The following ADGRB1 variants were observed in gnomAD, a reference collection of about 807,000 sequenced individuals.
ADGRB1 encodes adhesion G protein-coupled receptor B1.
A neutral mutation model predicts 175.7 loss-of-function variants in ADGRB1; 36 were observed. That is an observed-to-expected ratio of 0.20 (90% CI 0.16 to 0.27). The LOEUF (loss-of-function observed/expected upper bound fraction) is 0.27. Ranked by LOEUF, ADGRB1 falls within the 10% of genes least tolerant of loss-of-function variation. The probability of loss-of-function intolerance (pLI) is 1.00; values close to 1 mark genes in which losing one functional copy is unlikely to be tolerated. For synonymous variants in ADGRB1, 1,054 were observed against 979.4 expected, an observed-to-expected ratio of 1.08 and a Z score of -1.42; for missense variants, 1,731 against 2,255.3, an observed-to-expected ratio of 0.77 and a Z score of 4.71.
In ADGRB1 at chr8:142,489,419, A is replaced by T; in HGVS notation, c.2612A>T (p.Glu871Val). 6.2e-7 allele frequency: 1 copy of T among 1,612,788 alleles called. No individual in the cohort carries two copies. The highest frequency in any genetic ancestry group is 8.5e-7 in the Non-Finnish European group (1 of 1,179,806). The change falls in exon 16 of 31, where the codon GAG (glutamate) becomes GTG (valine). Residue 871 changes from glutamate (E) to valine (V), a missense_variant. Glu to Val is a moderately radical substitution (Grantham distance 121, BLOSUM62 -2). Coordinates refer to ENST00000517894, the MANE Select transcript of ADGRB1 (RefSeq NM_001702.3). ...TCCCTGCGCACACCCTTGGAGATCGAGTTTGCCCACATGTATAATGTGAGT... is the reference window on the plus strand; with the variant it reads ...TCCCTGCGCACACCCTTGGAGATCGTGTTTGCCCACATGTATAATGTGAGT... Reference protein sequence around the residue: ...PRSLRTPLEIEFAHMYNGTTN... With the variant: ...PRSLRTPLEIVFAHMYNGTTN...
chr8:142,539,492 C>T, intron 27 of ADGRB1, 79 bp downstream of exon 27: 4 of 1,504,472 alleles, frequency 2.7e-6, no homozygotes, highest in Non-Finnish European at 3.6e-6. Context: ...CCTGTGCCTC[C>T]CCCACATCAC....
chr8:142,514,440 G>A (rs1843304022), intron 18 of ADGRB1, among the ~76,000 whole-genome samples: 1 of 152,196 alleles, frequency 6.6e-6, no homozygotes, highest in African/African-American at 2.4e-5. Flanking sequence ...AGTCACACCT[G>A]TGAGGCGGAT....
chr8:142,458,203 G>A (rs948169059), intron 1 of ADGRB1, among the ~76,000 whole-genome samples: 9 of 152,176 alleles, frequency 5.9e-5, no homozygotes, highest in African/African-American at 1.4e-4. Context: ...ATGGGGTGCC[G>A]AGCCTCATGG....
At chr8:142,454,282 C>T (rs779430679) in intron 1 of ADGRB1, among the ~76,000 whole-genome samples, 2 of 152,206 alleles carry the variant, frequency 1.3e-5, no homozygotes, top group Non-Finnish European at 1.5e-5. Context: ...AAAACCAACA[C>T]ACACCCCGGT....
intron 25 of ADGRB1, among the ~76,000 whole-genome samples, chr8:142,535,114 G>A (rs961488811): frequency 6.6e-6 from 1 of 152,240 alleles, no homozygotes. Flanking sequence ...AAGGAAAATG[G>A]AGGCAAAATA....
At chr8:142,482,881 G>A (rs1181575716) in intron 11 of ADGRB1, among the ~76,000 whole-genome samples, 1 of 146,616 alleles carries the variant, frequency 6.8e-6, no homozygotes, top group African/African-American at 2.6e-5. Context: ...CACACACCAT[G>A]TCCTGATCCT....
Position 142,542,309 on chromosome 8 carries a change from C to A in ADGRB1, c.4075C>A (p.Pro1359Thr), listed in dbSNP as rs758599630. Reference sequence around the variant, plus strand: ...GGCCACGGCCACGCTGCGGCCCAAGCCCAAGGAGGAGCCCAAGTACAGCAT... The same window carrying A: ...GGCCACGGCCACGCTGCGGCCCAAGACCAAGGAGGAGCCCAAGTACAGCAT... Reference protein sequence around the residue: ...PTATATLRPKPKEEPKYSIHI... With the variant: ...PTATATLRPKTKEEPKYSIHI... The change falls in exon 28 of 31, where the codon CCC (proline) becomes ACC (threonine). Residue 1359 changes from proline (P) to threonine (T), a missense_variant. Transcript: ENST00000517894. The surrounding 1 kb of genome is among the most constrained non-coding windows in gnomAD (Gnocchi z 6.3). The A allele has an allele frequency of 1.2e-6, 2 of 1,613,118 alleles. No homozygotes were observed. The highest frequency in any genetic ancestry group is 2.2e-5 in the East Asian group (1 of 44,864).
In ADGRB1 at chr8:142,464,280, G is replaced by A; in HGVS notation, c.82G>A (p.Ala28Thr). 1.5e-6 allele frequency: 2 copies of A among 1,362,302 alleles called. No homozygotes were observed. The highest frequency in any genetic ancestry group is 1.9e-6 in the Non-Finnish European group (2 of 1,066,116). 84.4% of individuals were successfully genotyped at this position (1,362,302 alleles called of 1,614,324 possible). The change falls in exon 2 of 31, where the codon GCG becomes ACG. Residue 28 changes from alanine (A) to threonine (T), a missense_variant. Transcript: ENST00000517894. ...GCTGCTGCTGCTGCTGGGACGCCGC[G>A]CGCGGGCGGCCGCCGGAGCAGACGC... The part of the protein sequence containing the change: ...LLLLLLLGRR[A>T]RAAAGADAGP...
At position 142,492,012 on chromosome 8, in the gene ADGRB1, G is replaced by A. The variant is rs190590603; in HGVS notation, c.2675+1197G>A. 6.3e-4 allele frequency among the ~76,000 whole-genome samples: 96 copies of A among 152,142 alleles called. 1 individual carries two copies. Among genetic ancestry groups the A allele is most frequent in the Middle Eastern group, 3.4e-3 (1 of 294 alleles). ...GGCAGGCAGGGGCTCAGGGGAGGCC[G>A]CGGCAGGGTGAGGACAGTTAGTGGG... On this transcript the variant is annotated intron_variant, in intron 17 of 30. Coordinates refer to ENST00000517894, the MANE Select transcript of ADGRB1 (RefSeq NM_001702.3). The surrounding 1 kb of genome is among the most constrained non-coding windows in gnomAD (Gnocchi z 4.4).
chr8:142,541,011 C>T (rs913168913), intron 27 of ADGRB1, among the ~76,000 whole-genome samples: 6 of 151,954 alleles, frequency 3.9e-5, no homozygotes, highest in Non-Finnish European at 8.8e-5. Context: ...GGCAAGGTGG[C>T]TGAAGGGAGC....
rs1563736621 is a variant in ADGRB1, at chr8:142,520,889, C to T, written c.2988C>T (p.Ala996=). 6.2e-7 allele frequency: 1 copy of T among 1,613,540 alleles called. No homozygotes were observed. Among genetic ancestry groups the T allele is most frequent in the African/African-American group, 1.3e-5 (1 of 74,884 alleles). Residue 996 remains alanine (A), a synonymous_variant, in exon 20 of 31, where the codon GCC becomes GCT. Coordinates refer to ENST00000517894, the MANE Select transcript of ADGRB1 (RefSeq NM_001702.3). ...NFCLSIISSN[A]LILIGQTQTR... ...GCCTGTCCATCATCTCCTCCAATGC[C>T]CTCATCCTCATCGGGCAGACCCAGA...
intron 27 of ADGRB1, chr8:142,539,788 C>G (rs867614898): frequency 2.6e-5 from 9 of 342,874 alleles, no homozygotes; most frequent in Admixed American, 1.4e-4. Flanking sequence ...CCGCTCCCCC[C>G]CCCTGCCTCC....
At chr8:142,516,908 C>T (rs1461145728) in intron 18 of ADGRB1, among the ~76,000 whole-genome samples, 1 of 152,184 alleles carries the variant, frequency 6.6e-6, no homozygotes, top group East Asian at 1.9e-4. Flanking sequence ...CCCTCCCCAG[C>T]TTTGCACGCC....
intron 27 of ADGRB1, 136 bp downstream of exon 27, chr8:142,539,549 G>A (rs747796992): frequency 1.1e-4 from 125 of 1,111,504 alleles, no homozygotes; most frequent in Middle Eastern, 2.3e-4. Flanking sequence ...CAGCCACACC[G>A]TCAGGCCCAC....
intron 2 of ADGRB1, among the ~76,000 whole-genome samples, chr8:142,472,845 G>C (rs1038187042): frequency 6.6e-6 from 1 of 152,012 alleles, no homozygotes. Flanking sequence ...CTAGAATCGA[G>C]ACTCAGTATG....
At chr8:142,531,967 A>G (rs1844647584) in intron 24 of ADGRB1, among the ~76,000 whole-genome samples, 2 of 152,138 alleles carry the variant, frequency 1.3e-5, no homozygotes, top group African/African-American at 4.8e-5. Flanking sequence ...AAGCCACACT[A>G]GAGAGGGCTG....
At chr8:142,457,219 C>T (rs1168324924) in intron 1 of ADGRB1, among the ~76,000 whole-genome samples, 1 of 152,206 alleles carries the variant, frequency 6.6e-6, no homozygotes, top group East Asian at 1.9e-4. Context: ...CCCCTGGAGT[C>T]ACTAGGAGCC....
In ADGRB1 at chr8:142,533,316, C is replaced by T. The variant is rs745611963; in HGVS notation, c.3420C>T (p.Cys1140=). 1.0e-5 allele frequency: 16 copies of T among 1,559,536 alleles called. No homozygotes were observed. Among genetic ancestry groups the T allele is most frequent in the African/African-American group, 6.8e-5 (5 of 74,016 alleles). Residue 1140 remains cysteine, a synonymous_variant, in exon 25 of 31, where the codon TGC becomes TGT. Transcript: ENST00000517894. ...CCAGGGCCTCCCTGTGGAGCTCCTGCGTGGTGCTGCCGCTGCTGGCGCTGA... is the reference window on the plus strand; with the variant it reads ...CCAGGGCCTCCCTGTGGAGCTCCTGTGTGGTGCTGCCGCTGCTGGCGCTGA... ...ERAGASLWSS[C]VVLPLLALTW...
chr8:142,502,204 T>TGGA (rs1563718649), intron 17 of ADGRB1, among the ~76,000 whole-genome samples: 1 of 64,302 alleles, frequency 1.6e-5, no homozygotes, highest in Non-Finnish European at 3.3e-5. Flanking sequence ...ACAGTGGAGG[T>TGGA]GGTGGTGGTG....
Sources: allele counts gnomAD v4.1 joint callset (sites outside exome capture counted in the v4.1 genomes callset), GRCh38; gene constraint gnomAD v4.1.1; non-coding constraint Gnocchi (gnomAD v3.1); transcripts MANE v1.5; gene names NCBI Gene and HGNC (gene_info 2026-07-23, HGNC 2026-07-21).